TSHZ3: variants seen among roughly 807,000 people sequenced by gnomAD.
The protein encoded by TSHZ3 is teashirt zinc finger homeobox 3.
Under a neutral mutation model 64.5 loss-of-function variants are expected in TSHZ3, and 10 were observed. That is an observed-to-expected ratio of 0.16 (90% CI 0.10 to 0.26). The LOEUF (loss-of-function observed/expected upper bound fraction) is 0.26. Among genes scored for constraint, TSHZ3 ranks in the 10% least tolerant of loss-of-function variants. The pLI is 1.00. For missense variants in TSHZ3, 1,242 were observed against 1,421.7 expected, an observed-to-expected ratio of 0.87 and a Z score of 2.03; for synonymous variants, 608 against 593.1, an observed-to-expected ratio of 1.03 and a Z score of -0.36.
intron 5 of TSHZ3, among the ~76,000 whole-genome samples, chr19:31,178,349 T>C (rs1479095803): frequency 6.6e-6 from 1 of 152,146 alleles, no homozygotes; most frequent in African/African-American, 2.4e-5. Flanking sequence ...TCATTCCTGC[T>C]TGCCACAAGG....
intron 5 of TSHZ3, among the ~76,000 whole-genome samples, chr19:31,183,101 A>G (rs1974743082): frequency 6.6e-6 from 1 of 151,750 alleles, no homozygotes; most frequent in South Asian, 2.1e-4. Context: ...CCCTTCCCTG[A>G]GTCTCCAGCC....
intron 1 of TSHZ3, among the ~76,000 whole-genome samples, chr19:31,300,460 T>C (rs148623411): frequency 3.3e-5 from 5 of 152,296 alleles, no homozygotes; most frequent in African/African-American, 9.6e-5. Flanking sequence ...TATATCACCA[T>C]AGATGAACTC....
At position 31,242,856 on chromosome 19, in the gene TSHZ3, G is replaced by A. The variant is rs34975940; in HGVS notation, n.83C>T. ...TGGAGCTCTGATGTCCAAAGTCAGC[G>A]GAAGATGGGTGCCTTAGTTCTAGGG... On this transcript the variant is annotated non_coding_transcript_exon_variant, in exon 2 of 7. Transcript: ENST00000651361. Among the ~76,000 whole-genome samples, 155 of 83,854 alleles carry A rather than the reference G, an allele frequency of 1.8e-3. 2 individuals are homozygous for A. The highest frequency in any genetic ancestry group is 3.5e-3 in the African/African-American group (47 of 13,508). 55.0% of individuals were successfully genotyped at this position (83,854 alleles called of 152,430 possible). A position where few individuals can be genotyped will look rare whatever the true frequency, so the allele number is the denominator to read the frequency against.
chr19:31,332,406 C>T (rs1215172151), intron 1 of TSHZ3, among the ~76,000 whole-genome samples: 1 of 152,196 alleles, frequency 6.6e-6, no homozygotes, highest in Non-Finnish European at 1.5e-5. Flanking sequence ...GCTCTGAAAG[C>T]TCAAGGCCAT....
chr19:31,203,992 G>A (rs1007384382), intron 5 of TSHZ3, among the ~76,000 whole-genome samples: 1 of 152,128 alleles, frequency 6.6e-6, no homozygotes, highest in African/African-American at 2.4e-5. Flanking sequence ...GGCGGAAGGT[G>A]AAGGGGAAGC....
chr19:31,244,766 C>T (rs946849695), intron 1 of TSHZ3, among the ~76,000 whole-genome samples: 11 of 152,168 alleles, frequency 7.2e-5, no homozygotes, highest in African/African-American at 1.4e-4. Flanking sequence ...ACTTCAGCCT[C>T]CCAAGTAGCT....
intron 4 of TSHZ3, among the ~76,000 whole-genome samples, chr19:31,208,172 T>C (rs1367844755): frequency 6.6e-6 from 1 of 152,178 alleles, no homozygotes; most frequent in Non-Finnish European, 1.5e-5. Context: ...TAGATGCTAG[T>C]TAACGTGAGG....
chr19:31,349,528 G>A (rs922775185), upstream of TSHZ3: 6 of 332,166 alleles, frequency 1.8e-5, no homozygotes, highest in African/African-American at 6.5e-5. Flanking sequence ...GGAGGACCGC[G>A]CTGCCGGCGG....
In TSHZ3 at chr19:31,212,864, G is replaced by T. The variant is rs144031838; in HGVS notation, n.687-7786C>A. ...AAGCACCCAAGACTGCCTTCAGTAG[G>T]CAAATGGATAAATAAAATGTGGTAC... is the stretch of plus-strand genomic sequence containing the variant. On this transcript the variant is annotated intron_variant and non_coding_transcript_variant, in intron 4 of 6. Coordinates refer to the TSHZ3 transcript ENST00000651361. 5.9e-4 allele frequency among the ~76,000 whole-genome samples: 90 copies of T among 152,142 alleles called. No homozygotes were observed. The East Asian group carries it at 0.011, about 19-fold the overall frequency.
intron 1 of TSHZ3, among the ~76,000 whole-genome samples, chr19:31,303,210 C>T (rs539066871): frequency 1.3e-5 from 2 of 152,322 alleles, no homozygotes; most frequent in African/African-American, 4.8e-5. Flanking sequence ...CAAGCCTTCA[C>T]TCCGGCAAAT....
intron 1 of TSHZ3, among the ~76,000 whole-genome samples, chr19:31,267,101 G>T (rs973889683): frequency 2.0e-5 from 3 of 152,222 alleles, no homozygotes; most frequent in African/African-American, 7.2e-5. Context: ...CTACATACAT[G>T]TCTCCTCTCT....
intron 1 of TSHZ3, among the ~76,000 whole-genome samples, chr19:31,313,499 G>T (rs975014676): frequency 6.6e-6 from 1 of 152,176 alleles, no homozygotes; most frequent in Non-Finnish European, 1.5e-5. Flanking sequence ...ACCTGGCAGG[G>T]ACTAGGGTGG....
intron 1 of TSHZ3, among the ~76,000 whole-genome samples, chr19:31,261,694 G>A (rs1975984024): frequency 6.6e-6 from 1 of 152,160 alleles, no homozygotes; most frequent in Admixed American, 6.5e-5. Flanking sequence ...CCACATATAC[G>A]TTACAAGTGG....
chr19:31,341,514 T>C (rs964642026), intron 1 of TSHZ3, among the ~76,000 whole-genome samples: 1 of 152,058 alleles, frequency 6.6e-6, no homozygotes, highest in Non-Finnish European at 1.5e-5. Flanking sequence ...ATGAAAGGTG[T>C]AGGAAAATAA....
rs183771335 is a variant in TSHZ3, at chr19:31,185,249, G to A, written n.809+19707C>T. ...GCTATCCTGGGCCTCCTCCGGAGCT[G>A]GGCTTAAAGCTCTTCTTCAAGGCAG... On this transcript the variant is annotated intron_variant and non_coding_transcript_variant, in intron 5 of 6. Coordinates refer to the TSHZ3 transcript ENST00000651361. Among the ~76,000 whole-genome samples the A allele has an allele frequency of 1.6e-3, 250 of 152,238 alleles. 1 individual carries two copies. Among genetic ancestry groups the A allele is most frequent in the African/African-American group, 5.9e-3 (244 of 41,550 alleles).
intron 1 of TSHZ3, among the ~76,000 whole-genome samples, chr19:31,244,271 C>T (rs957072188): frequency 1.3e-5 from 2 of 151,892 alleles, no homozygotes; most frequent in Non-Finnish European, 2.9e-5. Flanking sequence ...CTCATTAGAT[C>T]CGGTTGTTTA....
chr19:31,306,151 C>T (rs557143546), intron 1 of TSHZ3, among the ~76,000 whole-genome samples: 288 of 152,282 alleles, frequency 1.9e-3, no homozygotes, highest in Non-Finnish European at 3.5e-3. Flanking sequence ...GCACACCCAC[C>T]GTGTGCGCTC....
chr19:31,200,017 A>G (rs1295648583), intron 5 of TSHZ3, among the ~76,000 whole-genome samples: 1 of 151,824 alleles, frequency 6.6e-6, no homozygotes, highest in Non-Finnish European at 1.5e-5. Flanking sequence ...CAGCAATTAC[A>G]TACCTCTATA....
downstream of TSHZ3, among the ~76,000 whole-genome samples, chr19:31,270,257 C>T (rs1976116955): frequency 6.6e-6 from 1 of 152,210 alleles, no homozygotes; most frequent in African/African-American, 2.4e-5. Flanking sequence ...GAACTGGAAA[C>T]ACACTTACAT....
Sources: gnomAD v4.1 joint callset for allele counts (sites outside exome capture counted in the v4.1 genomes callset) on GRCh38, gnomAD v4.1.1 for gene constraint, MANE v1.5 for transcripts, NCBI Gene and HGNC (gene_info 2026-07-23, HGNC 2026-07-21) for gene names.